PRKN: variants seen among roughly 807,000 people sequenced by gnomAD.
The protein encoded by PRKN is E3 ubiquitin-protein ligase parkin.
A neutral mutation model predicts 59.5 loss-of-function variants in PRKN; 56 were observed. The observed-to-expected ratio is 0.94, with a 90% CI of 0.76 to 1.18. The LOEUF is 1.18. Among genes scored for constraint, PRKN ranks in the 50% most tolerant of loss-of-function variants. The probability of loss-of-function intolerance (pLI) is 0.00; values close to 1 mark genes in which losing one functional copy is unlikely to be tolerated. For missense variants in PRKN, 657 were observed against 596.4 expected, an observed-to-expected ratio of 1.10 and a Z score of -1.06; for synonymous variants, 250 against 222.1, an observed-to-expected ratio of 1.13 and a Z score of -1.12.
chr6:162,077,098 C>A (rs1778860374), intron 4 of PRKN, among the ~76,000 whole-genome samples: 1 of 152,108 alleles, frequency 6.6e-6, no homozygotes, highest in Non-Finnish European at 1.5e-5. Context: ...AGACTACCTT[C>A]ACCAGGAACG....
chr6:161,614,235 T>C (rs1406155709), intron 7 of PRKN, among the ~76,000 whole-genome samples: 2 of 152,230 alleles, frequency 1.3e-5, no homozygotes, highest in Admixed American at 6.5e-5. Flanking sequence ...TAGCTGTAGC[T>C]GCATTCGTGT....
At chr6:162,015,429 G>A (rs1046583795) in intron 5 of PRKN, among the ~76,000 whole-genome samples, 10 of 152,160 alleles carry the variant, frequency 6.6e-5, no homozygotes, top group African/African-American at 2.4e-4. Flanking sequence ...GGCAATCCCA[G>A]CTTTCAGGCA....
intron 2 of PRKN, among the ~76,000 whole-genome samples, chr6:162,425,017 G>A (rs1789163967): frequency 6.6e-6 from 1 of 151,560 alleles, no homozygotes; most frequent in Non-Finnish European, 1.5e-5. Flanking sequence ...TCCTTATGTA[G>A]AATGGAGTCC....
At chr6:162,549,449 C>G (rs931557543) in intron 1 of PRKN, among the ~76,000 whole-genome samples, 1 of 152,032 alleles carries the variant, frequency 6.6e-6, no homozygotes, top group Non-Finnish European at 1.5e-5. Context: ...ACAGCACCCT[C>G]GACATGTTAT....
At chr6:162,423,813 A>C (rs1789094798) in intron 2 of PRKN, among the ~76,000 whole-genome samples, 1 of 152,182 alleles carries the variant, frequency 6.6e-6, no homozygotes, top group Non-Finnish European at 1.5e-5. Context: ...ACAAATATTT[A>C]TCCAGTGCCT....
At chr6:162,358,430 A>C (rs907639239) in intron 2 of PRKN, among the ~76,000 whole-genome samples, 9 of 152,194 alleles carry the variant, frequency 5.9e-5, no homozygotes, top group African/African-American at 2.2e-4. Context: ...TACAGATTTA[A>C]GGTATTTCTA....
intron 1 of PRKN, among the ~76,000 whole-genome samples, chr6:162,525,935 C>A (rs933521864): frequency 6.6e-6 from 1 of 152,120 alleles, no homozygotes. Flanking sequence ...CCCACTGCAG[C>A]CCCGACCTCC....
intron 5 of PRKN, among the ~76,000 whole-genome samples, chr6:162,038,322 T>G (rs897480501): frequency 2.6e-5 from 4 of 152,194 alleles, no homozygotes; most frequent in Admixed American, 6.6e-5. Context: ...TGGAAAAGGC[T>G]GGAGAATGCC....
intron 7 of PRKN, among the ~76,000 whole-genome samples, chr6:161,656,105 G>A (rs1784341362): frequency 6.6e-6 from 1 of 152,174 alleles, no homozygotes; most frequent in Non-Finnish European, 1.5e-5. Flanking sequence ...GGTAACTTTG[G>A]AGCTTGTTTT....
At chr6:161,452,628 T>C (rs1789786562) in intron 9 of PRKN, among the ~76,000 whole-genome samples, 1 of 152,214 alleles carries the variant, frequency 6.6e-6, no homozygotes, top group South Asian at 2.1e-4. Context: ...AAGGAAACTA[T>C]TGCACCATCC....
At position 162,179,968 on chromosome 6, in the gene PRKN, CTGTGTGTGTG is replaced by C. The variant is rs61592555; in HGVS notation, c.534+21153_534+21162del. 8.8e-3 allele frequency among the ~76,000 whole-genome samples: 1,229 copies of C among 139,312 alleles called. 16 individuals are homozygous for C. Among genetic ancestry groups the C allele is most frequent in the African/African-American group, 0.023 (846 of 37,354 alleles). 91.4% of individuals were successfully genotyped at this position (139,312 alleles called of 152,430 possible). A position where few individuals can be genotyped will look rare whatever the true frequency, so the allele number is the denominator to read the frequency against. On this transcript the variant is annotated intron_variant, in intron 4 of 11. Coordinates refer to ENST00000366898, the MANE Select transcript of PRKN (RefSeq NM_004562.3). ...GACAGTGCTTTTTGTTATCTTATTACTGTGTGTGTGTGTGTGTGTGTGTGTGTGTGTGTGT... is the reference window on the plus strand; with the variant it reads ...GACAGTGCTTTTTGTTATCTTATTACTGTGTGTGTGTGTGTGTGTGTGTGT...
chr6:162,530,137 TAAA>T (rs34337550), intron 1 of PRKN, among the ~76,000 whole-genome samples: 77 of 120,894 alleles, frequency 6.4e-4, no homozygotes, highest in Non-Finnish European at 6.8e-4. Context: ...TCAGTCTCAA[TAAA>T]AAAAAAAAAA....
At chr6:162,724,943 C>T (rs926094333) in intron 1 of PRKN, among the ~76,000 whole-genome samples, 3 of 152,232 alleles carry the variant, frequency 2.0e-5, no homozygotes, top group African/African-American at 7.2e-5. Context: ...AGAAAACGAA[C>T]ATCTGGGTTG....
rs764844282 is a variant in PRKN at position 161,551,746 on chromosome 6, C to T, written c.934-2743G>A. On this transcript the variant is annotated intron_variant, in intron 8 of 11. Transcript: ENST00000366898. The surrounding 1 kb of genome is among the most constrained non-coding windows in gnomAD (Gnocchi z 5.2). The stretch of plus-strand genomic sequence containing the variant: ...AAAAGGGAGCAGAGATCGGGGAGGC[C>T]ATTGGATAGGACTCTGGGGTTGTAA... Among the ~76,000 whole-genome samples the T allele has an allele frequency of 4.6e-5, 7 of 152,074 alleles. No homozygotes were observed. Among genetic ancestry groups the T allele is most frequent in the Non-Finnish European group, 1.0e-4 (7 of 68,016 alleles).
At chr6:162,270,779 T>C (rs1303840924) in intron 2 of PRKN, 3 of 152,166 alleles carry the variant, frequency 2.0e-5, no homozygotes, top group Non-Finnish European at 4.4e-5. Flanking sequence ...TCCTTTTTTG[T>C]GCTGAACAAT....
intron 6 of PRKN, among the ~76,000 whole-genome samples, chr6:161,916,731 C>T (rs893474771): frequency 6.6e-6 from 1 of 152,196 alleles, no homozygotes; most frequent in Non-Finnish European, 1.5e-5. Flanking sequence ...CCGTTCCTTA[C>T]TCTGCATTGC....
At chr6:162,253,279 AAATCTAATCTAATCT>A (rs56965676) in intron 3 of PRKN, among the ~76,000 whole-genome samples, 15 of 149,408 alleles carry the variant, frequency 1.0e-4, no homozygotes, top group Non-Finnish European at 1.9e-4. Flanking sequence ...AACAGGCAAC[AAATCTAATCTAATCT>A]AATCTAATCT....
At chr6:162,583,570 C>G (rs1202639309) in intron 1 of PRKN, among the ~76,000 whole-genome samples, 1 of 152,152 alleles carries the variant, frequency 6.6e-6, no homozygotes, top group South Asian at 2.1e-4. Context: ...ACTGATGAAT[C>G]CAACAATTAT....
chr6:162,517,340 C>G (rs540415525), intron 1 of PRKN, among the ~76,000 whole-genome samples: 10 of 151,298 alleles, frequency 6.6e-5, no homozygotes, highest in African/African-American at 2.2e-4. Context: ...GTCTGTCTCC[C>G]GGGTTCAAGC....
Sources: gnomAD v4.1 joint callset for allele counts (sites outside exome capture counted in the v4.1 genomes callset) on GRCh38, gnomAD v4.1.1 for gene constraint, Gnocchi (gnomAD v3.1) non-coding constraint, MANE v1.5 for transcripts, NCBI Gene and HGNC (gene_info 2026-07-23, HGNC 2026-07-21) for gene names.